TTN: variants seen among roughly 807,000 people sequenced by gnomAD.
TTN encodes the protein titin, also known as connectin.
Under a neutral mutation model 3,223.0 loss-of-function variants are expected in TTN, and 1,525 were observed. That is an observed-to-expected ratio of 0.47 (90% confidence interval 0.45 to 0.49). The LOEUF is 0.49. TTN is among the 20% of genes least tolerant of loss of function. The pLI is 0.00. For synonymous variants in TTN, 14,094 were observed against 15,161.0 expected, an observed-to-expected ratio of 0.93 and a Z score of 5.17; for missense variants, 40,786 against 43,424.0, an observed-to-expected ratio of 0.94 and a Z score of 5.40.
At position 178,563,754 on chromosome 2, in the gene TTN, G is replaced by T. The variant is rs1043329468; in HGVS notation, c.82378C>A (p.Pro27460Thr). Residue 27460 changes from proline (P) to threonine (T), a missense_variant, in exon 326 of 363, where the codon CCT becomes ACT. Pro to Thr is a conservative substitution (Grantham distance 38). Coordinates refer to ENST00000589042, the MANE Select transcript of TTN (RefSeq NM_001267550.2). This position sits in a 1 kb window ranked among gnomAD's most constrained non-coding sequence, Gnocchi z 4.5. ...TTATAAGGATTACAGGCCGTAACAGGCCCAGATTCCAAGGGCTCTCCAATT... is the reference window on the plus strand; with the variant it reads ...TTATAAGGATTACAGGCCGTAACAGTCCCAGATTCCAAGGGCTCTCCAATT... ...YGIGEPLESG[P>T]VTACNPYKPP... 1.2e-6 allele frequency: 2 copies of T among 1,613,570 alleles called. No homozygotes were observed. Among genetic ancestry groups the T allele is most frequent in the African/African-American group, 2.7e-5 (2 of 74,898 alleles).
Position 178,659,271 on chromosome 2 carries a change from T to C in TTN, c.37286-16A>G. ...GCCTCAGGCACTTGAAAGATATTAG[T>C]GAAATTACATTTAGGCATTATGAAG... On this transcript the variant is annotated splice_polypyrimidine_tract_variant and intron_variant, in intron 180 of 362. Coordinates refer to ENST00000589042, the MANE Select transcript of TTN (RefSeq NM_001267550.2). The C allele has an allele frequency of 1.9e-6, 1 of 515,006 alleles. No homozygotes were observed. The highest frequency in any genetic ancestry group is 2.1e-5 in the South Asian group (1 of 47,152). 31.9% of individuals were successfully genotyped at this position (515,006 alleles called of 1,614,324 possible).
In TTN at chr2:178,611,080, T is replaced by C. The variant is rs766949350; in HGVS notation, c.51049A>G (p.Ser17017Gly). Residue 17017 changes from serine (S) to glycine (G), a missense_variant, in exon 270 of 363, where the codon AGT becomes GGT. By Grantham distance (56) the Ser-to-Gly change is moderately conservative. Coordinates refer to ENST00000589042, the MANE Select transcript of TTN (RefSeq NM_001267550.2). The stretch of plus-strand genomic sequence containing the variant: ...TAAATTCCGGCATCTGCACGGACAC[T>C]CTTGGGAACTTCAAGGTGTGCAGAG... ...HISAHLEVPK[S>G]VRADAGIYTI... 3 of 1,612,762 alleles carry C rather than the reference T, an allele frequency of 1.9e-6. No homozygotes were observed. The highest frequency in any genetic ancestry group is 2.5e-6 in the Non-Finnish European group (3 of 1,179,228).
At position 178,530,701 on chromosome 2, in the gene TTN, C is replaced by T. The variant is rs1323470679; in HGVS notation, c.105914G>A (p.Cys35305Tyr). The stretch of plus-strand genomic sequence containing the variant: ...CCTTAATACACTGCTTTCAACCACA[C>T]AGGTCAGTTTTGCAATCTCTTTAGA... ...EASKEIAKLT[C>Y]VVESSVLRAK... Residue 35305 changes from cysteine to tyrosine, a missense_variant, in exon 358 of 363, where the codon TGT becomes TAT. Cys to Tyr is a radical substitution (Grantham distance 194). Coordinates refer to ENST00000589042, the MANE Select transcript of TTN (RefSeq NM_001267550.2). The T allele has an allele frequency of 6.2e-7, 1 of 1,613,992 alleles. No individual in the cohort carries two copies. The highest frequency in any genetic ancestry group is 2.2e-5 in the East Asian group (1 of 44,884).
In TTN at chr2:178,664,873, T is replaced by C; in HGVS notation, c.36097A>G (p.Arg12033Gly). The change falls in exon 166 of 363, where the codon AGA becomes GGA. Residue 12033 changes from arginine to glycine, a missense_variant. Transcript: ENST00000589042. The stretch of plus-strand genomic sequence containing the variant: ...GTACCTTTAACTGATGGGGGTTCTC[T>C]TTTTTTGGAAGGAACTGTCTTGGCA... ...IPAKTVPSKKREPPSVKVPEA... is the reference protein window; with the variant it reads ...IPAKTVPSKKGEPPSVKVPEA... 1 of 1,611,188 alleles carries C rather than the reference T, an allele frequency of 6.2e-7. No homozygotes were observed. The highest frequency in any genetic ancestry group is 1.7e-5 in the Admixed American group (1 of 59,752).
intron 13 of TTN, among the ~76,000 whole-genome samples, chr2:178,787,197 A>C (rs986142022): frequency 6.6e-6 from 1 of 152,162 alleles, no homozygotes; most frequent in Admixed American, 6.5e-5. Context: ...ATATCTTTAA[A>C]AATTATTCTC....
At chr2:178,599,091 A>AAATTT in intron 290 of TTN, 29 bp from the exon 291 acceptor site, 1 of 1,511,374 alleles carries the variant, frequency 6.6e-7, no homozygotes, top group Non-Finnish European at 8.8e-7. Context: ...TGATTATAAG[A>AAATTT]AATTTAAAAA....
rs2055753321 is a variant in TTN at position 178,609,352 on chromosome 2, G to A, written c.51958C>T (p.Gln17320Ter). 2 of 1,612,126 alleles carry A rather than the reference G, an allele frequency of 1.2e-6. No homozygotes were observed. Among genetic ancestry groups the A allele is most frequent in the Non-Finnish European group, 1.7e-6 (2 of 1,178,950 alleles). ...TTGCTGTTGTCAATACTCAAACGCT[G>A]TGTCAGAGGCAGGACAAATGGTTCT... ...EEEPFVLPLT[Q>*]RLSIDNSKKG... The change falls in exon 273 of 363, where the codon CAG (glutamine) becomes TAG (stop). Residue 17320 changes from glutamine to a stop codon, truncating the protein, a stop_gained. Transcript: ENST00000589042. LOFTEE classifies it high-confidence loss of function.
In TTN at chr2:178,722,645, T is replaced by C. The variant is rs1288832655; in HGVS notation, c.22240+14A>G. On this transcript the variant is annotated intron_variant, in intron 76 of 362. Transcript: ENST00000589042. Reference sequence around the variant, plus strand: ...AGGAAAAAAGAATTTTTTTAATTTGTAAAATATCATCACCTTGAATTCTGA... The same window carrying C: ...AGGAAAAAAGAATTTTTTTAATTTGCAAAATATCATCACCTTGAATTCTGA... 5 of 1,594,020 alleles carry C rather than the reference T, an allele frequency of 3.1e-6. No homozygotes were observed. The highest frequency in any genetic ancestry group is 4.3e-6 in the Non-Finnish European group (5 of 1,171,900).
rs754436503 is a variant in TTN, at chr2:178,774,924, C to CGTTGTTG, written c.6786_6787insCAACAAC (p.Glu2263GlnfsTer8). 1 of 1,613,582 alleles carries CGTTGTTG rather than the reference C, an allele frequency of 6.2e-7. No individual in the cohort carries two copies. Among genetic ancestry groups the CGTTGTTG allele is most frequent in the African/African-American group, 1.3e-5 (1 of 75,030 alleles). On this transcript the variant is annotated frameshift_variant, in exon 29 of 363. Transcript: ENST00000589042. LOFTEE classifies it high-confidence loss of function. Reference sequence around the variant, plus strand: ...GAAATCCTTCGTTGTTGAATACCTTCAACAATAAGTTTAGCAGTCGTTTTG... The same window carrying CGTTGTTG: ...GAAATCCTTCGTTGTTGAATACCTTCGTTGTTGAACAATAAGTTTAGCAGTCGTTTTG...
intron 7 of TTN, 79 bp from the exon 8 acceptor site, chr2:178,794,630 G>A (rs2093675018): frequency 1.3e-6 from 2 of 1,547,598 alleles, no homozygotes; most frequent in African/African-American, 1.4e-5. Flanking sequence ...CTGGAAAACT[G>A]AGCCACCTAG....
intron 166 of TTN, 35 bp downstream of exon 166, chr2:178,664,817 C>T (rs2065611001): frequency 6.2e-7 from 1 of 1,610,258 alleles, no homozygotes; most frequent in African/African-American, 1.3e-5. Flanking sequence ...ACTACAAGAG[C>T]TAGTTCTTGA....
In TTN at chr2:178,667,415, T is replaced by A. The variant is rs1451860471; in HGVS notation, c.35713+27A>T. 7 of 1,586,472 alleles carry A rather than the reference T, an allele frequency of 4.4e-6. No homozygotes were observed. In the African/African-American group the frequency reaches 5.4e-5, roughly 12 times the overall value. The stretch of plus-strand genomic sequence containing the variant: ...TGAGTCATAAAGCTAAAGATACTCA[T>A]CTGGGTTTGATGTATTTGAAATATA... On this transcript the variant is annotated intron_variant, in intron 161 of 362. Coordinates refer to ENST00000589042, the MANE Select transcript of TTN (RefSeq NM_001267550.2).
At position 178,532,929 on chromosome 2, in the gene TTN, G is replaced by A. The variant is rs777864853; in HGVS notation, c.103686C>T (p.Phe34562=). The A allele has an allele frequency of 2.5e-6, 4 of 1,613,910 alleles. No homozygotes were observed. The highest frequency in any genetic ancestry group is 1.7e-5 in the Admixed American group (1 of 60,020). Residue 34562 remains phenylalanine, a synonymous_variant, in exon 358 of 363, where the codon TTC becomes TTT. Coordinates refer to ENST00000589042, the MANE Select transcript of TTN (RefSeq NM_001267550.2). ...ACCACTTCATGTCAGACATGGGCACGAACTGCTTGATGCGTTGGTCTTCTT... is the reference window on the plus strand; with the variant it reads ...ACCACTTCATGTCAGACATGGGCACAAACTGCTTGATGCGTTGGTCTTCTT... The part of the protein sequence containing the change: ...TIEEDQRIKQ[F]VPMSDMKWYK...
At chr2:178,719,924 G>A in intron 81 of TTN, 59 bp downstream of exon 81, 3 of 1,542,294 alleles carry the variant, frequency 1.9e-6, no homozygotes, top group Non-Finnish European at 2.6e-6. Context: ...GAATATTTGA[G>A]GAAAATGATC....
chr2:178,534,899 T>G lies in TTN; in HGVS notation c.101716A>C (p.Thr33906Pro). Residue 33906 changes from threonine to proline, a missense_variant, in exon 358 of 363, where the codon ACA (threonine) becomes CCA (proline). Thr to Pro is a conservative substitution (Grantham distance 38, BLOSUM62 -1). Coordinates refer to ENST00000589042, the MANE Select transcript of TTN (RefSeq NM_001267550.2). Reference protein sequence around the residue: ...SGLDIFERINTSAFELNEREI... With the variant: ...SGLDIFERINPSAFELNEREI... ...CTTTCATTAAGTTCAAAAGCACTTG[T>G]GTTAATGCGCTCAAATATGTCAAGT... 1 of 1,609,698 alleles carries G rather than the reference T, an allele frequency of 6.2e-7. No homozygotes were observed. The highest frequency in any genetic ancestry group is 8.5e-7 in the Non-Finnish European group (1 of 1,179,802).
At chr2:178,637,187 A>G (rs141092414) in intron 224 of TTN, among the ~76,000 whole-genome samples, 182 bp downstream of exon 224, 2 of 125,310 alleles carry the variant, frequency 1.6e-5, no homozygotes, top group Non-Finnish European at 3.4e-5. Flanking sequence ...ATATATATAT[A>G]TATCTCCTTG....
intron 48 of TTN, among the ~76,000 whole-genome samples, chr2:178,738,691 A>G (rs2081957680): frequency 6.6e-6 from 1 of 151,924 alleles, no homozygotes; most frequent in African/African-American, 2.4e-5. Flanking sequence ...GTGAAGAAAC[A>G]TGATATACTA....
At chr2:178,544,147 C>A (rs767651556) in intron 345 of TTN, 32 bp from the exon 346 acceptor site, 2 of 1,602,248 alleles carry the variant, frequency 1.2e-6, no homozygotes, top group Admixed American at 1.7e-5. Flanking sequence ...TTAATTAATT[C>A]ATGGACAGGT....
chr2:178,614,679 G>T lies in TTN; in HGVS notation c.48835C>A (p.Pro16279Thr). 1.2e-6 allele frequency: 2 copies of T among 1,612,306 alleles called. No individual in the cohort carries two copies. The highest frequency in any genetic ancestry group is 1.7e-6 in the Non-Finnish European group (2 of 1,179,068). The change falls in exon 261 of 363, where the codon CCT (proline) becomes ACT (threonine). Residue 16279 changes from proline to threonine, a missense_variant. Physicochemically the swap from Pro to Thr is conservative, Grantham distance 38. Coordinates refer to ENST00000589042, the MANE Select transcript of TTN (RefSeq NM_001267550.2). ...TCAGGTTTTCCGGTTACGGTGGCAG[G>T]AAGTTCAATCTTGGTCCCAGCTTTT... The part of the protein sequence containing the change: ...TVKAGTKIEL[P>T]ATVTGKPEPK...
Sources: allele counts gnomAD v4.1 joint callset (sites outside exome capture counted in the v4.1 genomes callset), GRCh38; gene constraint gnomAD v4.1.1; non-coding constraint Gnocchi (gnomAD v3.1); transcripts MANE v1.5; gene names NCBI Gene and HGNC (gene_info 2026-07-23, HGNC 2026-07-21).